WDR43: variants seen among roughly 807,000 people sequenced by gnomAD.
The protein encoded by WDR43 is WD repeat domain 43.
In WDR43, 13 loss-of-function variants were observed where a neutral mutation model predicts 91.4. That is an observed-to-expected ratio of 0.14 (90% CI 0.09 to 0.23). The LOEUF is 0.23. WDR43 is among the 10% of genes least tolerant of loss of function. WDR43 has a pLI of 1.00. For missense variants in WDR43, 780 were observed against 809.4 expected (o/e 0.96, Z 0.44); for synonymous variants, 331 against 287.9 (o/e 1.15, Z -1.51).
intron 6 of WDR43, 121 bp from the exon 7 acceptor site, chr2:28,922,798 T>TTTTTTTG: frequency 9.4e-6 from 1 of 106,870 alleles, no homozygotes; most frequent in South Asian, 2.8e-4. Context: ...TCTTGCTGTG[T>TTTTTTTG]TTTTTTTTTT....
intron 2 of WDR43, 32 bp from the exon 3 acceptor site, chr2:28,906,428 C>T: frequency 1.3e-6 from 2 of 1,502,334 alleles, no homozygotes; most frequent in East Asian, 2.6e-5. Context: ...TTGAGACCAG[C>T]CTTAAATTTT....
intron 9 of WDR43, 98 bp downstream of exon 9, chr2:28,926,652 C>G (rs1318516142): frequency 2.1e-6 from 2 of 973,716 alleles, no homozygotes; most frequent in East Asian, 2.7e-5. Context: ...GTTTTTTATT[C>G]TTTAATATCT....
intron 1 of WDR43, among the ~76,000 whole-genome samples, chr2:28,897,304 C>G (rs774632254): frequency 1.3e-5 from 2 of 152,128 alleles, no homozygotes; most frequent in African/African-American, 2.4e-5. Context: ...AAAAAAGGCA[C>G]ATGTTAAGGT....
At chr2:28,907,179 G>A (rs1670696151) in intron 3 of WDR43, among the ~76,000 whole-genome samples, 1 of 152,144 alleles carries the variant, frequency 6.6e-6, no homozygotes. Flanking sequence ...GTAAATGTGG[G>A]CTGTTGAATA....
At chr2:28,942,192 C>A (rs1433485574) in intron 15 of WDR43, 120 bp from the exon 16 acceptor site, 1 of 873,850 alleles carries the variant, frequency 1.1e-6, no homozygotes, top group Admixed American at 2.1e-5. Flanking sequence ...GAAGGTCCTC[C>A]ATTATGGTGG....
chr2:28,931,869 C>A (rs1671253800), intron 11 of WDR43, among the ~76,000 whole-genome samples: 1 of 143,908 alleles, frequency 6.9e-6, no homozygotes, highest in African/African-American at 2.6e-5. Context: ...GCCCTTCCCC[C>A]CGCCCTTTTT....
chr2:28,933,921 C>T (rs1278576027), intron 11 of WDR43, among the ~76,000 whole-genome samples: 4 of 152,138 alleles, frequency 2.6e-5, no homozygotes, highest in African/African-American at 9.7e-5. Flanking sequence ...CTTTGGAAAA[C>T]AATTAGTTTA....
At chr2:28,909,940 A>G (rs1670757846) in intron 3 of WDR43, among the ~76,000 whole-genome samples, 2 of 152,208 alleles carry the variant, frequency 1.3e-5, no homozygotes, top group Non-Finnish European at 2.9e-5. Context: ...TGCTTCATTT[A>G]TAGAGTGATT....
chr2:28,912,739 A>G (rs1670826696), intron 4 of WDR43, 29 bp downstream of exon 4: 1 of 1,608,472 alleles, frequency 6.2e-7, no homozygotes, highest in Non-Finnish European at 8.5e-7. Context: ...TTGTAAGCAT[A>G]AAAATTATAG....
chr2:28,912,947 A>ATTT (rs35646381), intron 4 of WDR43, among the ~76,000 whole-genome samples: 35 of 100,960 alleles, frequency 3.5e-4, no homozygotes, highest in African/African-American at 9.4e-4. Flanking sequence ...AAGAAACAAG[A>ATTT]TTTTTTTTTT....
In WDR43 at chr2:28,927,698, G is replaced by A. The variant is rs779288524; in HGVS notation, c.1303G>A (p.Glu435Lys). The A allele has an allele frequency of 1.9e-6, 3 of 1,613,750 alleles. No individual in the cohort carries two copies. The African/African-American group carries it at 4.0e-5, about 22-fold the overall frequency. ...GAGCAAGAGGAAGTCAGGGGGAAAT[G>A]AGGTAATGCAACTGCTTTGACCATA... ...VESKRKSGGN[E>K]VSIEERLGAM... The change falls in exon 10 of 18, where the codon GAG becomes AAG. Residue 435 changes from glutamate to lysine, a missense_variant and splice_region_variant. Physicochemically the swap from Glu to Lys is moderately conservative, Grantham distance 56. Transcript: ENST00000407426.
rs1671204742 is a variant in WDR43, at chr2:28,929,615, G to A, written c.1342G>A (p.Asp448Asn). Residue 448 changes from aspartate to asparagine, a missense_variant, in exon 11 of 18, where the codon GAC becomes AAC. This residue lies in a region of WDR43 where 426 missense variants were observed against 467.8 expected (regional missense o/e 0.91). Coordinates refer to ENST00000407426, the MANE Select transcript of WDR43 (RefSeq NM_015131.3). ...AGAACGTCTGGGAGCAATGGATATA[G>A]ACACACACAAAAAAGGAAAGGAAGA... ...IEERLGAMDI[D>N]THKKGKEDLQ... 1.9e-6 allele frequency: 3 copies of A among 1,613,306 alleles called. No homozygotes were observed. The highest frequency in any genetic ancestry group is 2.5e-6 in the Non-Finnish European group (3 of 1,179,616).
rs576075268 is a variant in WDR43, at chr2:28,909,568, A to G, written c.485+2987A>G. Among the ~76,000 whole-genome samples the G allele has an allele frequency of 7.9e-4, 120 of 152,320 alleles. No homozygotes were observed. In the South Asian group the frequency reaches 0.013, roughly 17 times the overall value. ...GAGCTGCCTGTTGCTATTTGGAAAC[A>G]AAGCATTAAAAAGCTGATTGGTGGC... On this transcript the variant is annotated intron_variant, in intron 3 of 17. Transcript: ENST00000407426.
At chr2:28,941,854 C>G (rs747358456) in intron 15 of WDR43, among the ~76,000 whole-genome samples, 2 of 152,172 alleles carry the variant, frequency 1.3e-5, no homozygotes, top group Non-Finnish European at 2.9e-5. Context: ...CTTGACCTCC[C>G]AAAGTGCTGG....
intron 11 of WDR43, chr2:28,930,030 A>G (rs1671211959): frequency 4.0e-6 from 2 of 497,982 alleles, no homozygotes; most frequent in South Asian, 3.1e-5. Context: ...TCAGCATTCT[A>G]GATCACAATT....
intron 1 of WDR43, chr2:28,895,694 G>A (rs779512838): frequency 2.6e-5 from 4 of 152,198 alleles, no homozygotes; most frequent in Non-Finnish European, 5.9e-5. Flanking sequence ...GAAAACTGCC[G>A]AGTTAGGCAG....
intron 6 of WDR43, among the ~76,000 whole-genome samples, chr2:28,919,809 A>G (rs1393742445): frequency 1.3e-5 from 2 of 152,156 alleles, no homozygotes; most frequent in African/African-American, 2.4e-5. Flanking sequence ...CTGATGAGAA[A>G]CATTTTGGTA....
At chr2:28,910,699 A>T (rs1046273964) in intron 3 of WDR43, among the ~76,000 whole-genome samples, 15 of 146,258 alleles carry the variant, frequency 1.0e-4, no homozygotes, top group African/African-American at 3.7e-4. Flanking sequence ...ATATATAATT[A>T]TTATTTTTAT....
intron 5 of WDR43, among the ~76,000 whole-genome samples, chr2:28,915,972 TTTG>T (rs754569634): frequency 6.6e-6 from 1 of 152,194 alleles, no homozygotes; most frequent in African/African-American, 2.4e-5. Context: ...GTAAATCATG[TTTG>T]TTAAGTATTA....
Sources: allele counts gnomAD v4.1 joint callset (sites outside exome capture counted in the v4.1 genomes callset), GRCh38; gene constraint gnomAD v4.1.1; regional missense constraint gnomAD v4.1.1; transcripts MANE v1.5; gene names NCBI Gene and HGNC (gene_info 2026-07-23, HGNC 2026-07-21).